NELL1: variants seen among roughly 807,000 people sequenced by gnomAD.
The protein encoded by NELL1 is neural EGFL like 1.
NELL1 carries 76 observed loss-of-function variants against 107.4 expected under a neutral mutation model. The ratio of observed to expected loss-of-function variants is 0.71; its 90% CI spans 0.59 to 0.86. The LOEUF is 0.86. Ranked by LOEUF, NELL1 falls within the 40% of genes least tolerant of loss-of-function variation. The pLI is 0.00. For missense variants in NELL1, 1,024 were observed against 1,005.5 expected (o/e 1.02, Z -0.25); for synonymous variants, 353 against 341.2 (o/e 1.03, Z -0.38).
At chr11:20,778,498 C>CTTTTT (rs1161737750) in intron 2 of NELL1, among the ~76,000 whole-genome samples, 22 of 73,022 alleles carry the variant, frequency 3.0e-4, no homozygotes, top group East Asian at 7.9e-4. Context: ...TCACCCAGCA[C>CTTTTT]TTTTTTTTTT....
chr11:20,972,769 T>C (rs116503299), intron 12 of NELL1, among the ~76,000 whole-genome samples: 3,663 of 152,226 alleles, frequency 0.024, 145 homozygotes, highest in African/African-American at 0.083. Flanking sequence ...GGTGATAAGA[T>C]CCAGTTTGTA....
At chr11:21,218,674 C>G (rs1351155073) in intron 13 of NELL1, among the ~76,000 whole-genome samples, 3 of 152,064 alleles carry the variant, frequency 2.0e-5, no homozygotes, top group Admixed American at 2.0e-4. Flanking sequence ...CTCATAACCA[C>G]AAGTCTACAC....
At chr11:21,528,799 A>G (rs1002528479) in intron 15 of NELL1, among the ~76,000 whole-genome samples, 4 of 152,174 alleles carry the variant, frequency 2.6e-5, no homozygotes, top group Middle Eastern at 3.4e-3. Context: ...AAACATATCT[A>G]ACTACAAAGC....
chr11:21,480,747 A>G (rs1354684628), intron 15 of NELL1, among the ~76,000 whole-genome samples: 1 of 152,182 alleles, frequency 6.6e-6, no homozygotes, highest in Non-Finnish European at 1.5e-5. Context: ...TGTGCCAGAG[A>G]GGGGCAAAGA....
Position 21,560,331 on chromosome 11 carries a change from T to C in NELL1, c.1929T>C (p.Asn643=), listed in dbSNP as rs373771110. 8.8e-5 allele frequency: 142 copies of C among 1,611,850 alleles called. 1 individual carries two copies. The highest frequency in any genetic ancestry group is 3.3e-4 in the Middle Eastern group (2 of 6,036). ...CTCATGAAGGGGGGCTGAAGCACAA[T>C]GGCCAGGTGTGGACCTTGAAAGAAG... ...DCPHEGGLKH[N]GQVWTLKEDR... Residue 643 remains asparagine (N), a synonymous_variant, in exon 17 of 20, where the codon AAT becomes AAC. Coordinates refer to ENST00000357134, the MANE Select transcript of NELL1 (RefSeq NM_006157.5).
At chr11:21,099,854 G>A (rs1289279752) in intron 12 of NELL1, among the ~76,000 whole-genome samples, 1 of 152,124 alleles carries the variant, frequency 6.6e-6, no homozygotes, top group African/African-American at 2.4e-5. Context: ...AGAAATACAG[G>A]CCTGGGATTG....
chr11:21,500,781 T>A (rs957204927), intron 15 of NELL1, among the ~76,000 whole-genome samples: 2 of 152,152 alleles, frequency 1.3e-5, no homozygotes, highest in Non-Finnish European at 2.9e-5. Context: ...TTTTCAGATA[T>A]GTTACCTCAT....
chr11:20,695,892 T>A (rs537423373), intron 2 of NELL1, among the ~76,000 whole-genome samples: 2 of 148,274 alleles, frequency 1.3e-5, no homozygotes, highest in Non-Finnish European at 3.0e-5. Context: ...TGGCTGTGAA[T>A]CCATCTGGCC....
chr11:20,828,676 C>T (rs542533870), intron 3 of NELL1, among the ~76,000 whole-genome samples: 20 of 152,300 alleles, frequency 1.3e-4, no homozygotes, highest in Admixed American at 2.6e-4. Flanking sequence ...CCCAGTCTCA[C>T]GTAGGACAGG....
intron 15 of NELL1, among the ~76,000 whole-genome samples, chr11:21,460,481 C>A (rs767990964): frequency 6.6e-6 from 1 of 152,084 alleles, no homozygotes; most frequent in Non-Finnish European, 1.5e-5. Flanking sequence ...GATTAGCTGC[C>A]ACTTGCCAAA....
Position 20,937,822 on chromosome 11 carries a change from G to A in NELL1, c.1034G>A (p.Gly345Asp), listed in dbSNP as rs1266049620. 1 of 1,614,068 alleles carries A rather than the reference G, an allele frequency of 6.2e-7. No homozygotes were observed. Among genetic ancestry groups the A allele is most frequent in the Non-Finnish European group, 8.5e-7 (1 of 1,179,938 alleles). ...CIYGGKVLAE[G>D]QRILTKSCRE... is the part of the protein sequence containing the mutation. Reference sequence around the variant, plus strand: ...TATGGAGGAAAAGTTCTTGCAGAAGGCCAGCGGATTTTAACCAAGAGCTGT... The same window carrying A: ...TATGGAGGAAAAGTTCTTGCAGAAGACCAGCGGATTTTAACCAAGAGCTGT... The change falls in exon 10 of 20, where the codon GGC (glycine) becomes GAC (aspartate). Residue 345 changes from glycine (G) to aspartate (D), a missense_variant. Physicochemically the swap from Gly to Asp is moderately conservative, Grantham distance 94. Transcript: ENST00000357134.
chr11:21,235,810 G>A (rs1394801337), intron 14 of NELL1, among the ~76,000 whole-genome samples: 1 of 152,250 alleles, frequency 6.6e-6, no homozygotes, highest in East Asian at 1.9e-4. Flanking sequence ...GAGCCTTAAT[G>A]TCATGCTTAA....
intron 13 of NELL1, among the ~76,000 whole-genome samples, chr11:21,223,130 G>A (rs1182143407): frequency 6.6e-6 from 1 of 152,072 alleles, no homozygotes; most frequent in Non-Finnish European, 1.5e-5. Context: ...AATGCTGAGA[G>A]TGGGTTGTTC....
intron 12 of NELL1, among the ~76,000 whole-genome samples, chr11:21,097,851 A>G (rs147385012): frequency 6.6e-6 from 1 of 152,172 alleles, no homozygotes; most frequent in Non-Finnish European, 1.5e-5. Flanking sequence ...TAGTTTATGC[A>G]TTCATTCAGA....
At chr11:20,988,350 T>C (rs981621987) in intron 12 of NELL1, among the ~76,000 whole-genome samples, 3 of 151,694 alleles carry the variant, frequency 2.0e-5, no homozygotes, top group African/African-American at 7.3e-5. Flanking sequence ...GGCACAAATA[T>C]ACATATCTCT....
chr11:20,821,642 G>A (rs1857756065), intron 3 of NELL1, among the ~76,000 whole-genome samples: 1 of 152,166 alleles, frequency 6.6e-6, no homozygotes, highest in African/African-American at 2.4e-5. Context: ...CTCCACTTGG[G>A]GCTTTTTCTC....
At chr11:21,357,363 G>A (rs575084900) in intron 14 of NELL1, among the ~76,000 whole-genome samples, 1 of 152,230 alleles carries the variant, frequency 6.6e-6, no homozygotes, top group East Asian at 1.9e-4. Flanking sequence ...CAGGAGTGAG[G>A]TAGCTCATTG....
chr11:21,021,012 AAC>A lies in NELL1; in HGVS notation c.1300+60488_1300+60489del, dbSNP rs56813080. On this transcript the variant is annotated intron_variant, in intron 12 of 19. Transcript: ENST00000357134. ...GCTGATAGAGCAGAAAGAAACTTAG[AAC>A]ACACACACACACACACACACACACA... Among the ~76,000 whole-genome samples, 818 of 140,006 alleles carry A rather than the reference AAC, an allele frequency of 5.8e-3. 7 individuals are homozygous for A. The highest frequency in any genetic ancestry group is 0.012 in the South Asian group (49 of 4,222). The allele number at this position is 140,006 out of a possible 152,430, so 91.8% of individuals were successfully genotyped here.
At chr11:21,014,429 A>G (rs1259921095) in intron 12 of NELL1, among the ~76,000 whole-genome samples, 1 of 152,146 alleles carries the variant, frequency 6.6e-6, no homozygotes, top group Non-Finnish European at 1.5e-5. Flanking sequence ...GAAGAAATGT[A>G]GTTGAATGTA....
Sources: gnomAD v4.1 joint callset for allele counts (sites outside exome capture counted in the v4.1 genomes callset) on GRCh38, gnomAD v4.1.1 for gene constraint, MANE v1.5 for transcripts, NCBI Gene and HGNC (gene_info 2026-07-23, HGNC 2026-07-21) for gene names.